Variants in AGBL4 observed in about 807,000 individuals in gnomAD.
AGBL4 encodes the protein cytosolic carboxypeptidase 6.
A neutral mutation model predicts 66.4 loss-of-function variants in AGBL4; 58 were observed. The observed-to-expected ratio is 0.87, with a 90% CI of 0.71 to 1.09. The LOEUF (loss-of-function observed/expected upper bound fraction) is 1.09, where lower values mean the gene tolerates loss of function less well. Ranked by LOEUF, AGBL4 falls within the 50% of genes least tolerant of loss-of-function variation. The pLI is 0.00. For synonymous variants in AGBL4, 234 were observed against 222.9 expected, an observed-to-expected ratio of 1.05 and a Z score of -0.44; for missense variants, 579 against 631.0, an observed-to-expected ratio of 0.92 and a Z score of 0.88.
chr1:48,865,838 A>G (rs1192956705), intron 6 of AGBL4, among the ~76,000 whole-genome samples: 1 of 152,192 alleles, frequency 6.6e-6, no homozygotes, highest in Non-Finnish European at 1.5e-5. Context: ...ATTAAAAGCA[A>G]TTAAACTGTA....
chr1:49,396,838 T>C (rs1304625668), intron 3 of AGBL4, among the ~76,000 whole-genome samples: 4 of 152,148 alleles, frequency 2.6e-5, no homozygotes, highest in Non-Finnish European at 4.4e-5. Flanking sequence ...CAATAAATAG[T>C]TGCTGAATGA....
chr1:49,517,170 A>C (rs923317183), intron 3 of AGBL4, among the ~76,000 whole-genome samples: 1 of 151,650 alleles, frequency 6.6e-6, no homozygotes, highest in Non-Finnish European at 1.5e-5. Context: ...GGCAATTTGG[A>C]CTGTGAAGAA....
At chr1:49,282,669 G>A (rs182247878) in intron 3 of AGBL4, among the ~76,000 whole-genome samples, 221 of 152,310 alleles carry the variant, frequency 1.5e-3, no homozygotes, top group South Asian at 4.6e-3. Context: ...TGCTCGCACC[G>A]TGCGCGAGCC....
At chr1:49,674,599 C>CACAT (rs1276431853) in intron 3 of AGBL4, among the ~76,000 whole-genome samples, 1 of 149,052 alleles carries the variant, frequency 6.7e-6, no homozygotes, top group Non-Finnish European at 1.5e-5. Context: ...CACACACACA[C>CACAT]ATATGTTTAA....
At chr1:49,114,499 T>A (rs1645476310) in intron 4 of AGBL4, among the ~76,000 whole-genome samples, 2 of 152,230 alleles carry the variant, frequency 1.3e-5, no homozygotes, top group Non-Finnish European at 1.5e-5. Flanking sequence ...GATTTGTGTA[T>A]TTACTGGCAG....
At chr1:49,301,076 A>G (rs1054512563) in intron 3 of AGBL4, among the ~76,000 whole-genome samples, 21 of 152,212 alleles carry the variant, frequency 1.4e-4, no homozygotes, top group African/African-American at 4.8e-4. Flanking sequence ...TGCTAACATA[A>G]TGTTTGAAAA....
chr1:49,443,782 T>TTATA (rs1009875724), intron 3 of AGBL4, among the ~76,000 whole-genome samples: 1 of 149,882 alleles, frequency 6.7e-6, no homozygotes, highest in East Asian at 1.9e-4. Context: ...CTGATTTTTA[T>TTATA]TATATATATA....
At chr1:49,074,176 T>C (rs985097136) in intron 4 of AGBL4, among the ~76,000 whole-genome samples, 1 of 152,216 alleles carries the variant, frequency 6.6e-6, no homozygotes, top group African/African-American at 2.4e-5. Flanking sequence ...TGCTGGGCTC[T>C]GTGGGCATGG....
intron 5 of AGBL4, among the ~76,000 whole-genome samples, chr1:48,979,197 G>A (rs912854849): frequency 3.8e-4 from 58 of 152,042 alleles, no homozygotes; most frequent in African/African-American, 1.2e-3. Context: ...CTCTAAATTA[G>A]TATCTCTACT....
intron 3 of AGBL4, among the ~76,000 whole-genome samples, chr1:49,631,361 CTTAAT>C (rs1381513984): frequency 6.6e-6 from 1 of 152,138 alleles, no homozygotes; most frequent in Non-Finnish European, 1.5e-5. Flanking sequence ...ACACTTCTCC[CTTAAT>C]TGCTTTTTGA....
intron 3 of AGBL4, among the ~76,000 whole-genome samples, chr1:49,429,562 G>T (rs1351381518): frequency 1.3e-5 from 2 of 152,062 alleles, no homozygotes; most frequent in East Asian, 3.9e-4. Context: ...ACTTAGTTCA[G>T]GTTCTCATCT....
intron 5 of AGBL4, among the ~76,000 whole-genome samples, chr1:49,012,620 G>A (rs1352341716): frequency 6.6e-6 from 1 of 152,202 alleles, no homozygotes; most frequent in East Asian, 1.9e-4. Flanking sequence ...GATTAAGGAA[G>A]TGACATGTTA....
At chr1:49,271,881 T>C (rs1385207442) in intron 3 of AGBL4, among the ~76,000 whole-genome samples, 2 of 152,190 alleles carry the variant, frequency 1.3e-5, no homozygotes, top group Non-Finnish European at 2.9e-5. Context: ...TCTAAAACTC[T>C]GCTGTCTTTT....
chr1:49,500,372 A>G (rs1450769963), intron 3 of AGBL4, among the ~76,000 whole-genome samples: 1 of 142,064 alleles, frequency 7.0e-6, no homozygotes, highest in Admixed American at 7.0e-5. Flanking sequence ...GAAGCTTTTT[A>G]TTTTTAGTTT....
intron 3 of AGBL4, among the ~76,000 whole-genome samples, chr1:49,418,857 A>AG (rs1645483862): frequency 6.6e-6 from 1 of 152,256 alleles, no homozygotes; most frequent in Non-Finnish European, 1.5e-5. Flanking sequence ...TATAATGGGA[A>AG]GGCATTAAAG....
At chr1:49,877,011 A>G (rs1204945715) in intron 1 of AGBL4, among the ~76,000 whole-genome samples, 2 of 151,760 alleles carry the variant, frequency 1.3e-5, no homozygotes, top group Non-Finnish European at 2.9e-5. Context: ...TTGATTTTGT[A>G]TCCTGAGACT....
chr1:48,544,247 C>A (rs1345048768), intron 11 of AGBL4, among the ~76,000 whole-genome samples: 1 of 152,190 alleles, frequency 6.6e-6, no homozygotes, highest in Non-Finnish European at 1.5e-5. Flanking sequence ...GGCAGTCTCA[C>A]CCAGCTTTCA....
At chr1:49,458,023 G>T (rs1178300985) in intron 3 of AGBL4, among the ~76,000 whole-genome samples, 2 of 151,474 alleles carry the variant, frequency 1.3e-5, no homozygotes, top group Non-Finnish European at 3.0e-5. Flanking sequence ...TTTTTGCTTA[G>T]TCTTGTTTTT....
chr1:49,887,450 A>C (rs538163690), intron 1 of AGBL4, among the ~76,000 whole-genome samples: 15 of 152,128 alleles, frequency 9.9e-5, no homozygotes, highest in Middle Eastern at 3.4e-3. Context: ...TTCTAAAATG[A>C]AAGGCCCGGA....
Sources: gnomAD v4.1 joint callset for allele counts (sites outside exome capture counted in the v4.1 genomes callset) on GRCh38, gnomAD v4.1.1 for gene constraint, MANE v1.5 for transcripts, NCBI Gene and HGNC (gene_info 2026-07-23, HGNC 2026-07-21) for gene names.